Variants in ABCA9 observed in about 807,000 individuals in gnomAD.
The protein encoded by ABCA9 is ATP-binding cassette sub-family A member 9.
Under a neutral mutation model 205.3 loss-of-function variants are expected in ABCA9, and 183 were observed. The observed-to-expected ratio is 0.89, with a 90% CI of 0.79 to 1.01. The LOEUF (loss-of-function observed/expected upper bound fraction) is 1.01. Among genes scored for constraint, ABCA9 ranks in the 50% least tolerant of loss-of-function variants. The pLI, the probability that ABCA9 is intolerant of heterozygous loss-of-function variation, is 0.00. For missense variants in ABCA9, 1,805 were observed against 1,912.4 expected, an observed-to-expected ratio of 0.94 and a Z score of 1.05; for synonymous variants, 651 against 683.3, an observed-to-expected ratio of 0.95 and a Z score of 0.74.
chr17:69,051,406 TCTC>T, intron 1 of ABCA9: 1 of 391,638 alleles, frequency 2.6e-6, no homozygotes, highest in Admixed American at 4.1e-5. Flanking sequence ...ATCGTTGCTA[TCTC>T]CTCAACTGTG....
intron 20 of ABCA9, 182 bp from the exon 21 acceptor site, chr17:69,017,971 T>A (rs1160084725): frequency 3.5e-6 from 2 of 579,432 alleles, no homozygotes; most frequent in Non-Finnish European, 5.9e-6. Context: ...TATGACAAGG[T>A]TACTTTATCT....
chr17:69,037,272 G>A (rs961003578), intron 6 of ABCA9, among the ~76,000 whole-genome samples: 6 of 152,058 alleles, frequency 3.9e-5, no homozygotes, highest in African/African-American at 1.4e-4. Flanking sequence ...TTTCTTCTCA[G>A]CACCACATAG....
chr17:68,982,442 G>A (rs1035869178), intron 37 of ABCA9, 120 bp downstream of exon 37: 9 of 765,712 alleles, frequency 1.2e-5, no homozygotes, highest in African/African-American at 1.0e-4. Context: ...AGCAGTCTTA[G>A]TAATGTATTA....
At chr17:68,984,590 A>C (rs1455255025) in intron 34 of ABCA9, among the ~76,000 whole-genome samples, 1 of 152,194 alleles carries the variant, frequency 6.6e-6, no homozygotes, top group African/African-American at 2.4e-5. Context: ...GGAATTGTAT[A>C]TCAGGTGATG....
intron 1 of ABCA9, among the ~76,000 whole-genome samples, chr17:69,054,526 CAA>C (rs751565245): frequency 3.5e-4 from 27 of 77,308 alleles, no homozygotes; most frequent in Non-Finnish European, 3.7e-4. Flanking sequence ...GACCCTCTCT[CAA>C]AAAAAAAAAA....
chr17:68,983,705 C>T lies in ABCA9; in HGVS notation c.4640+4G>A. On this transcript the variant is annotated splice_donor_region_variant and intron_variant, in intron 36 of 38. Transcript: ENST00000340001. Reference sequence around the variant, plus strand: ...CTGTGATAAAACAAAACACCTGTGTCTACCTTTCCTGCTGAGCAGCCTGGG... The same window carrying T: ...CTGTGATAAAACAAAACACCTGTGTTTACCTTTCCTGCTGAGCAGCCTGGG... 6.2e-7 allele frequency: 1 copy of T among 1,614,008 alleles called. No homozygotes were observed. Among genetic ancestry groups the T allele is most frequent in the Non-Finnish European group, 8.5e-7 (1 of 1,179,996 alleles).
At chr17:69,018,319 C>T (rs2070700488) in intron 20 of ABCA9, 94 bp downstream of exon 20, 2 of 1,154,256 alleles carry the variant, frequency 1.7e-6, no homozygotes, top group East Asian at 2.7e-5. Context: ...CTAAAACATA[C>T]AGAGTTTATT....
chr17:68,994,809 C>G (rs941259273), intron 26 of ABCA9, among the ~76,000 whole-genome samples: 12 of 152,186 alleles, frequency 7.9e-5, no homozygotes, highest in Admixed American at 6.5e-4. Context: ...TTTTTCTCAC[C>G]TATTCATGGA....
At chr17:68,997,720 A>AG (rs1251226772) in intron 25 of ABCA9, among the ~76,000 whole-genome samples, 6 of 151,848 alleles carry the variant, frequency 4.0e-5, no homozygotes, top group Non-Finnish European at 8.8e-5. Context: ...GCCCTCATAC[A>AG]GGCACAGCCT....
At chr17:69,060,498 C>T (rs920415031) in intron 1 of ABCA9, among the ~76,000 whole-genome samples, 1 of 151,436 alleles carries the variant, frequency 6.6e-6, no homozygotes, top group African/African-American at 2.4e-5. Context: ...GCAATGCTTA[C>T]AATTCCTCTG....
At chr17:69,035,555 T>C in intron 7 of ABCA9, 105 bp downstream of exon 7, 1 of 1,469,030 alleles carries the variant, frequency 6.8e-7, no homozygotes, top group East Asian at 2.3e-5. Context: ...TTCATGCAAA[T>C]ACTACAAAGA....
At chr17:68,991,959 A>C (rs2069466891) in intron 28 of ABCA9, among the ~76,000 whole-genome samples, 1 of 152,060 alleles carries the variant, frequency 6.6e-6, no homozygotes, top group Non-Finnish European at 1.5e-5. Flanking sequence ...GGTCTGCCTT[A>C]ATTTTCCAGT....
chr17:69,019,156 C>A (rs1380584488), intron 19 of ABCA9, among the ~76,000 whole-genome samples: 3 of 152,030 alleles, frequency 2.0e-5, no homozygotes, highest in African/African-American at 7.2e-5. Flanking sequence ...TTATTAACTC[C>A]TTCCTGACTC....
chr17:69,028,571 A>G lies in ABCA9; in HGVS notation c.1579T>C (p.Leu527=). 6.2e-7 allele frequency: 1 copy of G among 1,611,028 alleles called. No homozygotes were observed. Among genetic ancestry groups the G allele is most frequent in the Non-Finnish European group, 8.5e-7 (1 of 1,178,374 alleles). ...ACTGACAACCCACTAAGTATGTTTA[A>G]CAGGGTAGTTTTTCCAGCTCCACTG... The part of the protein sequence containing the change: ...GHSGAGKTTL[L]NILSGLSVPT... The change falls in exon 12 of 39, where the codon TTA becomes CTA. Residue 527 remains leucine, a synonymous_variant. Transcript: ENST00000340001.
chr17:68,999,035 G>A (rs2069735340), intron 25 of ABCA9, among the ~76,000 whole-genome samples: 1 of 151,820 alleles, frequency 6.6e-6, no homozygotes, highest in Non-Finnish European at 1.5e-5. Context: ...AACATATGTA[G>A]GTCTACTGAG....
In ABCA9 at chr17:69,028,579, G is replaced by C; in HGVS notation, c.1571C>G (p.Thr524Ser). The change falls in exon 12 of 39, where the codon ACT becomes AGT. Residue 524 changes from threonine to serine, a missense_variant. Thr to Ser is a moderately conservative substitution (Grantham distance 58). Coordinates refer to ENST00000340001, the MANE Select transcript of ABCA9 (RefSeq NM_080283.4). The stretch of plus-strand genomic sequence containing the variant: ...CCCACTAAGTATGTTTAACAGGGTA[G>C]TTTTTCCAGCTCCACTGTGACCAAG... ...ALLGHSGAGK[T>S]TLLNILSGLS... is the part of the protein sequence containing the mutation. 1 of 1,610,790 alleles carries C rather than the reference G, an allele frequency of 6.2e-7. No homozygotes were observed.
chr17:69,075,764 T>C, the ABCA9 span, among the ~76,000 whole-genome samples: 1 of 152,164 alleles, frequency 6.6e-6, no homozygotes, highest in Non-Finnish European at 1.5e-5. Context: ...TCTAATTCCA[T>C]GAAAAATGAC....
intron 37 of ABCA9, 144 bp from the exon 38 acceptor site, chr17:68,976,334 ACG>A (rs1051036417): frequency 1.5e-5 from 10 of 689,262 alleles, no homozygotes; most frequent in Non-Finnish European, 7.4e-6. Flanking sequence ...GGGAAAGCAA[ACG>A]CGATATAGTC....
chr17:68,999,429 A>T (rs1297709286), intron 25 of ABCA9, among the ~76,000 whole-genome samples: 1 of 142,620 alleles, frequency 7.0e-6, no homozygotes, highest in Non-Finnish European at 1.5e-5. Flanking sequence ...TTCCAATTTC[A>T]TCCATGTCCC....
Sources: allele counts gnomAD v4.1 joint callset (sites outside exome capture counted in the v4.1 genomes callset), GRCh38; gene constraint gnomAD v4.1.1; transcripts MANE v1.5; gene names NCBI Gene and HGNC (gene_info 2026-07-23, HGNC 2026-07-21).